Variants in CD300C observed in about 807,000 individuals in gnomAD.
The protein encoded by CD300C is CD300c molecule, also known as CMRF35-like molecule 6.
CD300C carries 11 observed loss-of-function variants against 18.4 expected under a neutral mutation model. The ratio of observed to expected loss-of-function variants is 0.60; its 90% CI spans 0.38 to 0.99. CD300C has a LOEUF of 0.99. Ranked by LOEUF, CD300C falls within the 50% of genes least tolerant of loss-of-function variation. The pLI is 0.01. For synonymous variants in CD300C, 116 were observed against 116.3 expected (o/e 1.00, Z 0.02); for missense variants, 277 against 287.4 (o/e 0.96, Z 0.26).
At chr17:74,538,930 T>C (rs952375029), downstream of CD300C, among the ~76,000 whole-genome samples, 6 of 152,226 alleles carry the variant, frequency 3.9e-5, no homozygotes, top group Non-Finnish European at 8.8e-5. Flanking sequence ...ACAGACATGT[T>C]GGACAGGCCT....
chr17:74,542,977 G>A lies in CD300C; in HGVS notation c.411C>T (p.Thr137=). 1 of 1,613,616 alleles carries A rather than the reference G, an allele frequency of 6.2e-7. No individual in the cohort carries two copies. The highest frequency in any genetic ancestry group is 8.5e-7 in the Non-Finnish European group (1 of 1,180,008). ...TGGAGCTCTGGGGGCTGGAGGCTGT[G>A]GTCGTCCCGGCTGTGGGTGAAACAC... ...VEVSVFPAGT[T]TASSPQSSMG... The change falls in exon 3 of 4, where the codon ACC becomes ACT. Residue 137 remains threonine (T), a synonymous_variant. Coordinates refer to ENST00000330793, the MANE Select transcript of CD300C (RefSeq NM_006678.5).
chr17:74,545,611 C>A, intron 1 of CD300C, 111 bp downstream of exon 1: 1 of 862,530 alleles, frequency 1.2e-6, no homozygotes, highest in Non-Finnish European at 1.8e-6. Flanking sequence ...TTGCCCTCCT[C>A]CCCTCTCCCT....
chr17:74,543,717 G>A (rs1908644416), intron 2 of CD300C, among the ~76,000 whole-genome samples: 1 of 152,192 alleles, frequency 6.6e-6, no homozygotes, highest in South Asian at 2.1e-4. Context: ...AGGAACCTGG[G>A]ACATTGTCAG....
chr17:74,545,016 C>T (rs756908647), intron 1 of CD300C, 69 bp from the exon 2 acceptor site: 57 of 1,417,052 alleles, frequency 4.0e-5, no homozygotes, highest in Non-Finnish European at 5.2e-5. Flanking sequence ...GCAGTGTCAG[C>T]CCCTCATGGA....
At chr17:74,545,581 G>A in intron 1 of CD300C, 141 bp downstream of exon 1, 1 of 648,088 alleles carries the variant, frequency 1.5e-6, no homozygotes, top group East Asian at 2.8e-5. Context: ...GGCAGCTGCT[G>A]ACCGCTCCTG....
rs11336682 is a variant in CD300C at position 74,545,862 on chromosome 17, GC to G, written c.-81del. On this transcript the variant is annotated 5_prime_UTR_variant, in exon 1 of 4. Coordinates refer to ENST00000330793, the MANE Select transcript of CD300C (RefSeq NM_006678.5). ...TGTAATCTCCTCCCAGCAGATCTGA[GC>G]TTCGCTTCTGCTTTTCTTCTGCTCT... 5.5e-3 allele frequency: 6,429 copies of G among 1,158,880 alleles called. 271 individuals are homozygous for G. The African/African-American group carries it at 0.085, about 15-fold the overall frequency. 71.8% of individuals were successfully genotyped at this position (1,158,880 alleles called of 1,614,324 possible). A position where few individuals can be genotyped will look rare whatever the true frequency, so the allele number is the denominator to read the frequency against.
chr17:74,542,814 G>A (rs761264702), intron 3 of CD300C, 47 bp downstream of exon 3: 2 of 1,574,316 alleles, frequency 1.3e-6, no homozygotes, highest in South Asian at 2.2e-5. Flanking sequence ...ATCACACGCA[G>A]TGGGGAGGCC....
Position 74,541,484 on chromosome 17 carries a change from T to C in CD300C, c.*105A>G. On this transcript the variant is annotated 3_prime_UTR_variant, in exon 4 of 4. Coordinates refer to ENST00000330793, the MANE Select transcript of CD300C (RefSeq NM_006678.5). The stretch of plus-strand genomic sequence containing the variant: ...AGGCTGAAGGAGGCTCACAAAGGAT[T>C]CCAGGAGATGTGGAGAGAGCAGCCC... The C allele has an allele frequency of 1.3e-6, 1 of 770,932 alleles. No homozygotes were observed. The highest frequency in any genetic ancestry group is 1.5e-5 in the South Asian group (1 of 67,624). The allele number at this position is 770,932 out of a possible 1,614,324, so 47.8% of individuals were successfully genotyped here.
chr17:74,537,100 G>A (rs940099312), downstream of CD300C, among the ~76,000 whole-genome samples: 33 of 151,502 alleles, frequency 2.2e-4, no homozygotes, highest in Admixed American at 2.0e-3. Context: ...AGAGTAGGCA[G>A]AAAAGAGTAG....
downstream of CD300C, among the ~76,000 whole-genome samples, chr17:74,539,302 G>T (rs1908470856): frequency 6.6e-6 from 1 of 152,092 alleles, no homozygotes; most frequent in South Asian, 2.1e-4. Context: ...AGTGTGCACT[G>T]CAGTCATTGG....
At position 74,545,101 on chromosome 17, in the gene CD300C, G is replaced by T. The variant is rs532613616; in HGVS notation, c.62-154C>A. ...CAGGAACAGGGACTGAGGGTGGGAG[G>T]CTCCCTCTGTGCAGAGGTGGGAAGG... On this transcript the variant is annotated intron_variant, in intron 1 of 3. Coordinates refer to ENST00000330793, the MANE Select transcript of CD300C (RefSeq NM_006678.5). Among the ~76,000 whole-genome samples, 5 of 152,332 alleles carry T rather than the reference G, an allele frequency of 3.3e-5. No individual in the cohort carries two copies. The East Asian group carries it at 7.7e-4, about 24-fold the overall frequency.
chr17:74,543,050 G>T, intron 2 of CD300C, 63 bp from the exon 3 acceptor site: 3 of 1,596,080 alleles, frequency 1.9e-6, no homozygotes, highest in Non-Finnish European at 2.6e-6. Context: ...ACTCTCACCT[G>T]TTCTGCTCCA....
chr17:74,537,003 G>C (rs528202589), downstream of CD300C, among the ~76,000 whole-genome samples: 2 of 151,644 alleles, frequency 1.3e-5, no homozygotes, highest in Admixed American at 1.3e-4. Flanking sequence ...GGACCAAGAG[G>C]TAGGAAGAGC....
At chr17:74,542,016 C>A (rs1165120337) in intron 3 of CD300C, among the ~76,000 whole-genome samples, 1 of 152,180 alleles carries the variant, frequency 6.6e-6, no homozygotes, top group Non-Finnish European at 1.5e-5. Flanking sequence ...CAGCTGTCTA[C>A]CTCTGTGCTC....
chr17:74,545,449 T>C (rs1908727071), intron 1 of CD300C, among the ~76,000 whole-genome samples: 1 of 152,046 alleles, frequency 6.6e-6, no homozygotes, highest in East Asian at 1.9e-4. Flanking sequence ...AGATAAAATT[T>C]GTGATTGGAT....
At chr17:74,541,869 TC>T in intron 3 of CD300C, 133 bp from the exon 4 acceptor site, 1 of 914,262 alleles carries the variant, frequency 1.1e-6, no homozygotes, top group Non-Finnish European at 1.6e-6. Flanking sequence ...GGACAGTCCA[TC>T]CCGTCTCAGC....
chr17:74,538,899 T>C (rs1288631344), downstream of CD300C, among the ~76,000 whole-genome samples: 1 of 152,220 alleles, frequency 6.6e-6, no homozygotes, highest in Non-Finnish European at 1.5e-5. Flanking sequence ...TCCACTGTGA[T>C]GGCCAGGTGC....
rs1328058544 is a variant in CD300C, at chr17:74,543,099, A to G, written c.401-112T>C. 7.8e-6 allele frequency: 11 copies of G among 1,407,664 alleles called. No individual in the cohort carries two copies. The South Asian group carries it at 1.2e-4, about 15-fold the overall frequency. The allele number at this position is 1,407,664 out of a possible 1,614,324, so 87.2% of individuals were successfully genotyped here. ...AGGTCACCAATGATGTGCTGGACAGATGCCCTGCATCCATCATGCCCCACG... is the reference window on the plus strand; with the variant it reads ...AGGTCACCAATGATGTGCTGGACAGGTGCCCTGCATCCATCATGCCCCACG... On this transcript the variant is annotated intron_variant, in intron 2 of 3. Coordinates refer to ENST00000330793, the MANE Select transcript of CD300C (RefSeq NM_006678.5).
downstream of CD300C, among the ~76,000 whole-genome samples, chr17:74,536,980 A>C (rs559446198): frequency 6.6e-6 from 1 of 151,948 alleles, no homozygotes; most frequent in Non-Finnish European, 1.5e-5. Context: ...GAAGAGAAAA[A>C]AGAAGAGGAG....
Sources: gnomAD v4.1 joint callset for allele counts (sites outside exome capture counted in the v4.1 genomes callset) on GRCh38, gnomAD v4.1.1 for gene constraint, MANE v1.5 for transcripts, NCBI Gene and HGNC (gene_info 2026-07-23, HGNC 2026-07-21) for gene names.